Variants in IL1RAP observed in about 807,000 individuals in gnomAD.
IL1RAP encodes the protein interleukin 1 receptor accessory protein, also known as interleukin-1 receptor accessory protein.
A neutral mutation model predicts 60.7 loss-of-function variants in IL1RAP; 35 were observed. The observed-to-expected ratio is 0.58, with a 90% CI of 0.44 to 0.76. The LOEUF is 0.76. Among genes scored for constraint, IL1RAP ranks in the 30% least tolerant of loss-of-function variants. The probability of loss-of-function intolerance (pLI) is 0.00; values close to 1 mark genes in which losing one functional copy is unlikely to be tolerated. For missense variants in IL1RAP, 572 were observed against 693.9 expected (o/e 0.82, Z 1.97); for synonymous variants, 268 against 250.9 (o/e 1.07, Z -0.64).
chr3:190,595,200 A>G (rs1343382590), intron 3 of IL1RAP, among the ~76,000 whole-genome samples: 7 of 152,208 alleles, frequency 4.6e-5, no homozygotes, highest in African/African-American at 1.4e-4. Flanking sequence ...GTGCATCCCA[A>G]GCACCCATTT....
intron 6 of IL1RAP, among the ~76,000 whole-genome samples, chr3:190,621,632 CA>C (rs1225346025): frequency 6.6e-6 from 1 of 152,146 alleles, no homozygotes; most frequent in African/African-American, 2.4e-5. Context: ...TCAAGCAACA[CA>C]AGTTTGTTGT....
At chr3:190,566,797 G>GA (rs1560174587) in intron 3 of IL1RAP, among the ~76,000 whole-genome samples, 2 of 151,974 alleles carry the variant, frequency 1.3e-5, no homozygotes, top group South Asian at 2.1e-4. Context: ...GCTAGTGGGG[G>GA]AAGAAAGAAA....
intron 3 of IL1RAP, among the ~76,000 whole-genome samples, chr3:190,583,851 A>G (rs750256796): frequency 7.2e-5 from 11 of 152,236 alleles, no homozygotes; most frequent in Non-Finnish European, 1.3e-4. Context: ...AAGTCTCTAA[A>G]CAAGAGGCAG....
At chr3:190,562,448 A>C (rs1194942673) in intron 2 of IL1RAP, among the ~76,000 whole-genome samples, 1 of 151,364 alleles carries the variant, frequency 6.6e-6, no homozygotes, top group East Asian at 2.0e-4. Flanking sequence ...AACTCTTTTT[A>C]TCTCTTAAGT....
chr3:190,549,858 G>A (rs1424168316), intron 1 of IL1RAP, among the ~76,000 whole-genome samples: 1 of 152,190 alleles, frequency 6.6e-6, no homozygotes, highest in South Asian at 2.1e-4. Flanking sequence ...AAAATAAGCT[G>A]CTTTTTTCAA....
At chr3:190,541,958 T>C (rs1723971114) in intron 1 of IL1RAP, among the ~76,000 whole-genome samples, 1 of 152,168 alleles carries the variant, frequency 6.6e-6, no homozygotes, top group Non-Finnish European at 1.5e-5. Flanking sequence ...TTTAAAACCT[T>C]GAATGTGGTG....
chr3:190,655,326 T>C (rs959126641), downstream of IL1RAP, among the ~76,000 whole-genome samples: 2 of 152,116 alleles, frequency 1.3e-5, no homozygotes, highest in African/African-American at 4.8e-5. Context: ...ATGTCATTTA[T>C]GGAATAAGAG....
chr3:190,602,302 C>G (rs532118007), intron 3 of IL1RAP, among the ~76,000 whole-genome samples: 1 of 152,266 alleles, frequency 6.6e-6, no homozygotes, highest in East Asian at 1.9e-4. Flanking sequence ...CAATTTTCAA[C>G]TAGTACCTAA....
chr3:190,539,393 T>C (rs1337352962), intron 1 of IL1RAP, among the ~76,000 whole-genome samples: 1 of 152,118 alleles, frequency 6.6e-6, no homozygotes, highest in Non-Finnish European at 1.5e-5. Context: ...GCTTCATAAT[T>C]TCAAAAATGC....
chr3:190,564,593 G>A, intron 3 of IL1RAP: 1 of 482,702 alleles, frequency 2.1e-6, no homozygotes, highest in South Asian at 2.8e-5. Flanking sequence ...TTAAACACAG[G>A]TATTTTTCAT....
At chr3:190,654,475 TAAG>T (rs1186951530), downstream of IL1RAP, among the ~76,000 whole-genome samples, 2 of 143,598 alleles carry the variant, frequency 1.4e-5, no homozygotes, top group African/African-American at 3.0e-5. Context: ...ATTTATCTCT[TAAG>T]AATGAATGAA....
At chr3:190,568,920 A>G (rs1216669024) in intron 3 of IL1RAP, among the ~76,000 whole-genome samples, 1 of 152,252 alleles carries the variant, frequency 6.6e-6, no homozygotes, top group African/African-American at 2.4e-5. Context: ...TAAGAGGAAT[A>G]CAGTAAAGTT....
rs530755408 is a variant in IL1RAP at position 190,525,425 on chromosome 3, G to A, written c.-89+11206G>A. ...GGAAATAAGGTTCTAAGATAGGCAA[G>A]GCCTAGGTCAGACTGGTCTTGCAGG... On this transcript the variant is annotated intron_variant, in intron 1 of 11. Coordinates refer to ENST00000447382, the MANE Select transcript of IL1RAP (RefSeq NM_002182.4). Among the ~76,000 whole-genome samples, 16 of 152,330 alleles carry A rather than the reference G, an allele frequency of 1.1e-4. No individual in the cohort carries two copies. The East Asian group carries it at 3.1e-3, about 29-fold the overall frequency.
At chr3:190,644,111 A>G (rs1429176387) in intron 9 of IL1RAP, 137 bp from the exon 10 acceptor site, 3 of 1,431,830 alleles carry the variant, frequency 2.1e-6, no homozygotes, top group Admixed American at 3.0e-5. Context: ...GCTAAACTCT[A>G]CAATGTTATC....
At chr3:190,561,867 A>C (rs1394767110) in intron 2 of IL1RAP, among the ~76,000 whole-genome samples, 1 of 152,230 alleles carries the variant, frequency 6.6e-6, no homozygotes, top group Non-Finnish European at 1.5e-5. Flanking sequence ...TCAGGAGCCA[A>C]AATGACTTCA....
At chr3:190,557,562 G>T (rs1725530498) in intron 2 of IL1RAP, among the ~76,000 whole-genome samples, 2 of 152,136 alleles carry the variant, frequency 1.3e-5, no homozygotes, top group Non-Finnish European at 2.9e-5. Flanking sequence ...AGCAGTACTG[G>T]CTTGGTAAGC....
intron 3 of IL1RAP, among the ~76,000 whole-genome samples, chr3:190,595,230 A>G (rs1252492371): frequency 6.6e-6 from 1 of 152,186 alleles, no homozygotes; most frequent in Non-Finnish European, 1.5e-5. Context: ...CACATGACGG[A>G]ATGCTCAGTA....
intron 11 of IL1RAP, 89 bp from the exon 12 acceptor site, chr3:190,648,249 C>T: frequency 6.7e-7 from 1 of 1,499,304 alleles, no homozygotes; most frequent in East Asian, 2.3e-5. Context: ...AGGCTGGTAC[C>T]CTAAGTTCCC....
intron 1 of IL1RAP, among the ~76,000 whole-genome samples, chr3:190,550,160 T>G (rs557925481): frequency 1.3e-5 from 2 of 152,214 alleles, no homozygotes; most frequent in Non-Finnish European, 2.9e-5. Context: ...CTATTCCCCC[T>G]ACTGTCAGTA....
Sources: gnomAD v4.1 joint callset for allele counts (sites outside exome capture counted in the v4.1 genomes callset) on GRCh38, gnomAD v4.1.1 for gene constraint, MANE v1.5 for transcripts, NCBI Gene and HGNC (gene_info 2026-07-23, HGNC 2026-07-21) for gene names.